Variants in TBX10 observed in about 807,000 individuals in gnomAD.
TBX10 encodes the protein T-box transcription factor 10, also known as T-box transcription factor TBX10.
In TBX10, 26 loss-of-function variants were observed where a neutral mutation model predicts 32.4. The observed-to-expected ratio is 0.80, with a 90% CI of 0.59 to 1.11. The LOEUF is 1.11. Among genes scored for constraint, TBX10 ranks in the 50% most tolerant of loss-of-function variants. TBX10 has a pLI of 0.00. For missense variants in TBX10, 490 were observed against 494.5 expected (o/e 0.99, Z 0.09); for synonymous variants, 195 against 203.1 (o/e 0.96, Z 0.34).
rs576069528 is a variant in TBX10 at position 67,639,694 on chromosome 11, G to A, written c.-222C>T. On this transcript the variant is annotated 5_prime_UTR_variant, in exon 1 of 8. Transcript: ENST00000335385. The stretch of plus-strand genomic sequence containing the variant: ...TCTTCCTACTCGAGCTGGACCCCTG[G>A]TCTCCGAAGGTGAGATGCAGGCTCT... The A allele has an allele frequency of 1.6e-4, 103 of 645,814 alleles. No homozygotes were observed. The African/African-American group carries it at 1.7e-3, about 11-fold the overall frequency. 40.0% of individuals were successfully genotyped at this position (645,814 alleles called of 1,614,324 possible).
upstream of TBX10, among the ~76,000 whole-genome samples, chr11:67,640,103 G>A (rs749247863): frequency 2.0e-5 from 3 of 151,966 alleles, no homozygotes; most frequent in Admixed American, 6.6e-5. Flanking sequence ...GGCCCCAGCC[G>A]GCCGGCAGAT....
At position 67,632,108 on chromosome 11, in the gene TBX10, G is replaced by C. The variant is rs536335414; in HGVS notation, c.868+210C>G. Among the ~76,000 whole-genome samples the C allele has an allele frequency of 5.9e-5, 9 of 152,322 alleles. 1 individual carries two copies. Among genetic ancestry groups the C allele is most frequent in the African/African-American group, 1.9e-4 (8 of 41,554 alleles). On this transcript the variant is annotated intron_variant, in intron 7 of 7. Transcript: ENST00000335385. ...AGGCCCAGCTTGAGAGCCACCTCCTGCAGGAAGCCTGCCTGGCACCCCCTG... is the reference window on the plus strand; with the variant it reads ...AGGCCCAGCTTGAGAGCCACCTCCTCCAGGAAGCCTGCCTGGCACCCCCTG...
rs2134103490 is a variant in TBX10, at chr11:67,639,738, T to C, written c.-266A>G. Among the ~76,000 whole-genome samples the C allele has an allele frequency of 6.6e-6, 1 of 152,266 alleles. No individual in the cohort carries two copies. Among genetic ancestry groups the C allele is most frequent in the Admixed American group, 6.5e-5 (1 of 15,302 alleles). Reference sequence around the variant, plus strand: ...AGGCTCTGGGGCGTGCAGCGGCCCTTCTCCAAGCCACTCTCGGGCTGTGCT... The same window carrying C: ...AGGCTCTGGGGCGTGCAGCGGCCCTCCTCCAAGCCACTCTCGGGCTGTGCT... On this transcript the variant is annotated 5_prime_UTR_variant, in exon 1 of 8. Coordinates refer to ENST00000335385, the MANE Select transcript of TBX10 (RefSeq NM_005995.5).
At chr11:67,634,671 T>G in intron 3 of TBX10, 145 bp downstream of exon 3, 1 of 926,790 alleles carries the variant, frequency 1.1e-6, no homozygotes, top group Non-Finnish European at 1.7e-6. Context: ...CAGGCTGTTG[T>G]TGCGTGTCTG....
rs762108181 is a variant in TBX10, at chr11:67,631,588, C to A, written c.*17G>T. The A allele has an allele frequency of 9.0e-5, 142 of 1,584,690 alleles. No homozygotes were observed. The highest frequency in any genetic ancestry group is 1.6e-5 in the Non-Finnish European group (19 of 1,171,770). ...TAAGGTCCAGGGTAGCAGGGCTTCC[C>A]CCCAGGGCTTCTGGCATCACTGGGA... On this transcript the variant is annotated 3_prime_UTR_variant, in exon 8 of 8. Coordinates refer to ENST00000335385, the MANE Select transcript of TBX10 (RefSeq NM_005995.5).
intron 1 of TBX10, 60 bp downstream of exon 1, chr11:67,639,406 A>ACCCCC: frequency 6.4e-6 from 2 of 311,862 alleles, no homozygotes; most frequent in South Asian, 2.2e-5. Context: ...CACCCTGCCC[A>ACCCCC]CCCACCCTGG....
At position 67,632,266 on chromosome 11, in the gene TBX10, C is replaced by T. The variant is rs1010719901; in HGVS notation, c.868+52G>A. The T allele has an allele frequency of 1.2e-5, 19 of 1,604,240 alleles. 1 individual carries two copies. The highest frequency in any genetic ancestry group is 3.3e-5 in the Admixed American group (2 of 59,998). On this transcript the variant is annotated intron_variant, in intron 7 of 7. Transcript: ENST00000335385. ...CTGGAGGTCCTGTCCCTTTGCCTTCCGCCCACTGTGTACACCTTAGTCCCA... is the reference window on the plus strand; with the variant it reads ...CTGGAGGTCCTGTCCCTTTGCCTTCTGCCCACTGTGTACACCTTAGTCCCA...
upstream of TBX10, among the ~76,000 whole-genome samples, chr11:67,639,830 T>C (rs1056709178): frequency 2.6e-5 from 4 of 152,088 alleles, no homozygotes. Context: ...CCTTCCTCCC[T>C]CCTTGTCCTC....
chr11:67,631,972 C>T (rs1855243793), intron 7 of TBX10, 78 bp from the exon 8 acceptor site: 1 of 1,536,704 alleles, frequency 6.5e-7, no homozygotes, highest in Non-Finnish European at 8.8e-7. Context: ...TGGTCCCTTC[C>T]TGCTCCTCCT....
chr11:67,641,485 C>A (rs977633169), upstream of TBX10, among the ~76,000 whole-genome samples: 1 of 152,226 alleles, frequency 6.6e-6, no homozygotes, highest in South Asian at 2.1e-4. Context: ...CTGCCCGAGG[C>A]GCCTGCTGGC....
chr11:67,641,661 C>T (rs2514030), upstream of TBX10, among the ~76,000 whole-genome samples: 5 of 152,114 alleles, frequency 3.3e-5, no homozygotes, highest in East Asian at 1.9e-4. Context: ...AGTGGCACTG[C>T]GAGGGGACTC....
chr11:67,634,296 C>T lies in TBX10; in HGVS notation c.442G>A (p.Val148Met), dbSNP rs763946525. ...GCTGGCGAGTCGGGGTGGAAGTGCA[C>T]GCGGCCAGGTGTGGCTGGGTCTGCC... ...GKADPATPGR[V>M]HFHPDSPAKG... The change falls in exon 4 of 8, where the codon GTG becomes ATG. Residue 148 changes from valine (V) to methionine (M), a missense_variant. By Grantham distance (21) the Val-to-Met change is conservative. This residue lies in a region of TBX10 where 307 missense variants were observed against 294.9 expected (regional missense o/e 1.04). Coordinates refer to ENST00000335385, the MANE Select transcript of TBX10 (RefSeq NM_005995.5). The T allele has an allele frequency of 1.2e-5, 19 of 1,611,142 alleles. No individual in the cohort carries two copies. Among genetic ancestry groups the T allele is most frequent in the South Asian group, 3.3e-5 (3 of 91,088 alleles).
chr11:67,632,632 T>C lies in TBX10; in HGVS notation c.744A>G (p.Lys248=). The C allele has an allele frequency of 2.5e-6, 4 of 1,614,024 alleles. No individual in the cohort carries two copies. Among genetic ancestry groups the C allele is most frequent in the Non-Finnish European group, 2.5e-6 (3 of 1,180,008 alleles). ...AGTCCAGGTCACTCTCTCTAAAGCC[T>C]TTGGCAAAAGGGTTGCTGGCGATTT... ...QLKIASNPFA[K]GFRESDLDSW... is the part of the protein sequence containing the mutation. Residue 248 remains lysine (K), a synonymous_variant, in exon 6 of 8, where the codon AAA becomes AAG. Coordinates refer to ENST00000335385, the MANE Select transcript of TBX10 (RefSeq NM_005995.5).
upstream of TBX10, among the ~76,000 whole-genome samples, chr11:67,641,464 G>A (rs538828982): frequency 2.0e-5 from 3 of 152,036 alleles, no homozygotes; most frequent in East Asian, 1.9e-4. Context: ...CGGCTGGCCC[G>A]CCCGCCCTGC....
chr11:67,640,196 A>G (rs2447590), upstream of TBX10, among the ~76,000 whole-genome samples: 146,877 of 152,328 alleles, frequency 0.96, 71,027 homozygotes, highest in East Asian at 1. Context: ...CCCAGACTGG[A>G]TGGCGGGAAG....
At chr11:67,638,399 G>T (rs1855360084) in intron 1 of TBX10, among the ~76,000 whole-genome samples, 1 of 152,196 alleles carries the variant, frequency 6.6e-6, no homozygotes, top group South Asian at 2.1e-4. Flanking sequence ...CAGTGGCTGG[G>T]AGTCAGGGGA....
At chr11:67,639,049 G>T (rs568265247) in intron 1 of TBX10, among the ~76,000 whole-genome samples, 9 of 152,162 alleles carry the variant, frequency 5.9e-5, no homozygotes, top group Non-Finnish European at 1.0e-4. Flanking sequence ...GGACTCTGGT[G>T]GGGGGAGCCT....
rs975992253 is a variant in TBX10, at chr11:67,634,429, G to A, written c.378-69C>T. Reference sequence around the variant, plus strand: ...CACGCCTGAACAATACAGGCGGGGTGAAGGGGCTGCTGCCGACTCCAACAC... The same window carrying A: ...CACGCCTGAACAATACAGGCGGGGTAAAGGGGCTGCTGCCGACTCCAACAC... On this transcript the variant is annotated intron_variant, in intron 3 of 7. Transcript: ENST00000335385. 1.9e-6 allele frequency: 3 copies of A among 1,571,192 alleles called. No homozygotes were observed. The African/African-American group carries it at 4.0e-5, about 21-fold the overall frequency.
chr11:67,639,403 C>CCGCCCCCCCCCCCCCCCCCA, intron 1 of TBX10, 63 bp downstream of exon 1: 1 of 646,482 alleles, frequency 1.5e-6, no homozygotes, highest in Non-Finnish European at 2.8e-6. Context: ...TCCCACCCTG[C>CCGCCCCCCCCCCCCCCCCCA]CCACCCACCC....
Sources: allele counts gnomAD v4.1 joint callset (sites outside exome capture counted in the v4.1 genomes callset), GRCh38; gene constraint gnomAD v4.1.1; regional missense constraint gnomAD v4.1.1; transcripts MANE v1.5; gene names NCBI Gene and HGNC (gene_info 2026-07-23, HGNC 2026-07-21).